The following ARID1B variants were observed in gnomAD, a reference collection of about 807,000 sequenced individuals.
ARID1B encodes AT-rich interaction domain 1B.
In ARID1B, 30 loss-of-function variants were observed where a neutral mutation model predicts 212.3. That is an observed-to-expected ratio of 0.14 (90% confidence interval 0.11 to 0.19). ARID1B has a LOEUF of 0.19. Ranked by LOEUF, ARID1B falls within the 10% of genes least tolerant of loss-of-function variation. The pLI is 1.00. For synonymous variants in ARID1B, 1,402 were observed against 1,301.7 expected (o/e 1.08, Z -1.66); for missense variants, 2,891 against 3,204.0 (o/e 0.90, Z 2.36).
intron 2 of ARID1B, among the ~76,000 whole-genome samples, chr6:156,850,778 A>G (rs1035808607): frequency 2.1e-4 from 32 of 152,342 alleles, no homozygotes; most frequent in African/African-American, 4.6e-4. Flanking sequence ...TAAACTTGCT[A>G]TCCGTTCTTT....
At chr6:157,057,539 T>G (rs1783045917) in intron 4 of ARID1B, among the ~76,000 whole-genome samples, 1 of 152,130 alleles carries the variant, frequency 6.6e-6, no homozygotes, top group Non-Finnish European at 1.5e-5. Context: ...TCCTCCCACC[T>G]CAGCCTCCCA....
chr6:156,821,653 A>G (rs1191938665), intron 1 of ARID1B, among the ~76,000 whole-genome samples: 1 of 152,206 alleles, frequency 6.6e-6, no homozygotes, highest in East Asian at 1.9e-4. Context: ...AAGAATTGTG[A>G]TAACGTGAGA....
chr6:157,084,145 A>C (rs542578686), intron 4 of ARID1B, among the ~76,000 whole-genome samples: 16 of 147,018 alleles, frequency 1.1e-4, no homozygotes, highest in East Asian at 8.2e-4. Context: ...CTCCCCCCCA[A>C]AAAAAAAAAA....
rs1407983616 is a variant in ARID1B, at chr6:156,778,853, C to T, written c.1173C>T (p.Gly391=). 2.9e-6 allele frequency: 4 copies of T among 1,388,924 alleles called. No individual in the cohort carries two copies. Among genetic ancestry groups the T allele is most frequent in the East Asian group, 3.1e-5 (1 of 32,124 alleles). The allele number at this position is 1,388,924 out of a possible 1,614,324, so 86.0% of individuals were successfully genotyped here. The change falls in exon 1 of 20, where the codon GGC becomes GGT. Residue 391 remains glycine (G), a synonymous_variant. Coordinates refer to ENST00000636930, the MANE Select transcript of ARID1B (RefSeq NM_001374828.1). ...GCTACAGCCGGCCCGGCGCGGGCGG[C>T]GGCGGCGGCGGCGGCGGCGGAGGAG... is the stretch of plus-strand genomic sequence containing the variant. ...YPGYSRPGAG[G]GGGGGGGGGG... is the part of the protein sequence containing the mutation.
In ARID1B at chr6:157,057,185, A is replaced by G. The variant is rs982868968; in HGVS notation, c.2248-27477A>G. On this transcript the variant is annotated intron_variant, in intron 4 of 19. Coordinates refer to ENST00000636930, the MANE Select transcript of ARID1B (RefSeq NM_001374828.1). ...CTCATTTTTTCTATTTTTATTAGAG[A>G]TGGGTTTTCACTGTGTTAGCCAGGA... Among the ~76,000 whole-genome samples the G allele has an allele frequency of 2.6e-5, 4 of 151,070 alleles. No individual in the cohort carries two copies. In the East Asian group the frequency reaches 8.0e-4, roughly 30 times the overall value.
At chr6:156,945,267 T>TTC (rs1793026395) in intron 4 of ARID1B, among the ~76,000 whole-genome samples, 1 of 126,102 alleles carries the variant, frequency 7.9e-6, no homozygotes, top group Non-Finnish European at 1.6e-5. Flanking sequence ...TTTTTTTTTT[T>TTC]TGTGAGTGTT....
Position 157,206,644 on chromosome 6 carries a change from G to T in ARID1B, c.5872G>T (p.Glu1958Ter), listed in dbSNP as rs1554237395. The T allele has an allele frequency of 6.2e-7, 1 of 1,613,818 alleles. No homozygotes were observed. The highest frequency in any genetic ancestry group is 1.1e-5 in the South Asian group (1 of 91,052). Residue 1958 changes from glutamate (E) to a stop codon, truncating the protein, a stop_gained, in exon 20 of 20, where the codon GAG becomes TAG. Coordinates refer to ENST00000636930, the MANE Select transcript of ARID1B (RefSeq NM_001374828.1). LOFTEE classifies it high-confidence loss of function. The surrounding 1 kb of genome is among the most constrained non-coding windows in gnomAD (Gnocchi z 6.8). ...DTTEHIQTHFESKMEIPPRRR... is the reference protein window; with the variant it reads ...DTTEHIQTHF ...CACCGAGCACATTCAGACTCACTTT[G>T]AGAGCAAGATGGAAATTCCTCCTCG...
intron 5 of ARID1B, among the ~76,000 whole-genome samples, chr6:157,102,545 G>A (rs1786125794): frequency 6.8e-6 from 1 of 146,600 alleles, no homozygotes; most frequent in South Asian, 2.1e-4. Context: ...TGTCAGTGCT[G>A]TTGTTATTAA....
intron 4 of ARID1B, among the ~76,000 whole-genome samples, chr6:157,014,185 C>T (rs993057451): frequency 1.3e-5 from 2 of 152,198 alleles, no homozygotes; most frequent in African/African-American, 4.8e-5. Flanking sequence ...TAGCTCTTGC[C>T]TGATTAAACT....
chr6:157,192,668 A>G (rs1253550743), intron 15 of ARID1B, among the ~76,000 whole-genome samples: 1 of 152,224 alleles, frequency 6.6e-6, no homozygotes, highest in African/African-American at 2.4e-5. Flanking sequence ...ACTGTCTGTA[A>G]TGTTGTTTTC....
chr6:156,876,381 G>A (rs7744583), intron 2 of ARID1B, among the ~76,000 whole-genome samples: 51,398 of 151,928 alleles, frequency 0.34, 9,132 homozygotes, highest in African/African-American at 0.44. Flanking sequence ...CTCGATATCT[G>A]TGTAGGCTCA....
rs951630643 is a variant in ARID1B at position 157,203,422 on chromosome 6, C to T, written c.5264-444C>T. ...CTGTCTTGGAGTTAAATTTTGCTTCCATGTTCTGCATACTTGGCGGCCTTC... is the reference window on the plus strand; with the variant it reads ...CTGTCTTGGAGTTAAATTTTGCTTCTATGTTCTGCATACTTGGCGGCCTTC... On this transcript the variant is annotated intron_variant, in intron 18 of 19. Transcript: ENST00000636930. This position sits in a 1 kb window ranked among gnomAD's most constrained non-coding sequence, Gnocchi z 4.4. 6.6e-6 allele frequency among the ~76,000 whole-genome samples: 1 copy of T among 152,186 alleles called. No individual in the cohort carries two copies. The highest frequency in any genetic ancestry group is 6.5e-5 in the Admixed American group (1 of 15,280).
At chr6:157,067,752 A>C (rs1783767428) in intron 4 of ARID1B, among the ~76,000 whole-genome samples, 1 of 152,128 alleles carries the variant, frequency 6.6e-6, no homozygotes, top group South Asian at 2.1e-4. Flanking sequence ...CGTACTGTGC[A>C]GTGCCTGTGT....
intron 3 of ARID1B, among the ~76,000 whole-genome samples, chr6:156,912,789 A>G (rs1790000065): frequency 1.3e-5 from 2 of 152,208 alleles, no homozygotes; most frequent in South Asian, 4.1e-4. Context: ...TGGTCCACTC[A>G]AGTTCTTGGT....
At chr6:156,921,421 A>T (rs1790774267) in intron 3 of ARID1B, among the ~76,000 whole-genome samples, 1 of 149,278 alleles carries the variant, frequency 6.7e-6, no homozygotes, top group African/African-American at 2.5e-5. Flanking sequence ...TTCTACAGTA[A>T]TAGCACTTGA....
At chr6:156,883,942 G>C (rs912591395) in intron 2 of ARID1B, among the ~76,000 whole-genome samples, 7 of 152,214 alleles carry the variant, frequency 4.6e-5, no homozygotes, top group Non-Finnish European at 8.8e-5. Flanking sequence ...TCAGGAGCCA[G>C]AATCGCGGGA....
At chr6:156,923,867 C>A (rs1036914213) in intron 3 of ARID1B, among the ~76,000 whole-genome samples, 1 of 152,020 alleles carries the variant, frequency 6.6e-6, no homozygotes, top group African/African-American at 2.4e-5. Flanking sequence ...GCCACCATGC[C>A]CAGCTAATTT....
chr6:156,900,124 G>GT (rs1788798757), intron 2 of ARID1B, among the ~76,000 whole-genome samples: 1 of 152,198 alleles, frequency 6.6e-6, no homozygotes, highest in Non-Finnish European at 1.5e-5. Context: ...GCTGTTAAAT[G>GT]GCTTGCAATG....
intron 2 of ARID1B, among the ~76,000 whole-genome samples, chr6:156,869,616 A>C (rs1785963035): frequency 6.6e-6 from 1 of 152,230 alleles, no homozygotes. Flanking sequence ...ACTTTATTTT[A>C]TCATGCTTTT....
Sources: allele counts gnomAD v4.1 joint callset (sites outside exome capture counted in the v4.1 genomes callset), GRCh38; gene constraint gnomAD v4.1.1; non-coding constraint Gnocchi (gnomAD v3.1); transcripts MANE v1.5; gene names NCBI Gene and HGNC (gene_info 2026-07-23, HGNC 2026-07-21).